Variants in LHFPL3 observed in about 807,000 individuals in gnomAD.
LHFPL3 encodes the protein LHFPL tetraspan subfamily member 3, also known as LHFPL tetraspan subfamily member 3 protein.
LHFPL3 carries 5 observed loss-of-function variants against 19.3 expected under a neutral mutation model. That is an observed-to-expected ratio of 0.26 (90% CI 0.14 to 0.54). The LOEUF (loss-of-function observed/expected upper bound fraction) is 0.54. Ranked by LOEUF, LHFPL3 falls within the 20% of genes least tolerant of loss-of-function variation. The pLI, the probability that LHFPL3 is intolerant of heterozygous loss-of-function variation, is 0.94. For missense variants in LHFPL3, 249 were observed against 307.4 expected (o/e 0.81, Z 1.42); for synonymous variants, 133 against 126.2 (o/e 1.05, Z -0.36).
At chr7:104,436,236 T>C (rs980444604) in intron 1 of LHFPL3, among the ~76,000 whole-genome samples, 4 of 152,210 alleles carry the variant, frequency 2.6e-5, no homozygotes, top group Admixed American at 2.6e-4. Context: ...TAGAATATTT[T>C]AAAGTTTTGT....
At chr7:104,587,887 T>C (rs370821126) in intron 1 of LHFPL3, among the ~76,000 whole-genome samples, 3 of 152,246 alleles carry the variant, frequency 2.0e-5, no homozygotes, top group Non-Finnish European at 4.4e-5. Flanking sequence ...TGAGCATTTT[T>C]TCACATGTCT....
At position 104,707,708 on chromosome 7, in the gene LHFPL3, A is replaced by C. The variant is rs138770900; in HGVS notation, c.446-28967A>C. On this transcript the variant is annotated intron_variant, in intron 1 of 2. Transcript: ENST00000424859. The stretch of plus-strand genomic sequence containing the variant: ...AGCTCCATTCTGGGTTATAGAGGCC[A>C]TGCTTTCATCATATCCCACTGATTG... Among the ~76,000 whole-genome samples, 78 of 152,330 alleles carry C rather than the reference A, an allele frequency of 5.1e-4. 1 individual carries two copies. Among genetic ancestry groups the C allele is most frequent in the African/African-American group, 1.8e-3 (75 of 41,572 alleles).
At chr7:104,665,256 A>G (rs1792309757) in intron 1 of LHFPL3, among the ~76,000 whole-genome samples, 1 of 152,210 alleles carries the variant, frequency 6.6e-6, no homozygotes, top group Non-Finnish European at 1.5e-5. Context: ...TTGTGTATCT[A>G]TAATTACTTC....
chr7:104,468,078 A>G (rs1302264577), intron 1 of LHFPL3, among the ~76,000 whole-genome samples: 1 of 152,228 alleles, frequency 6.6e-6, no homozygotes, highest in Non-Finnish European at 1.5e-5. Flanking sequence ...AAATCACTGA[A>G]ATTACTAGAA....
chr7:104,786,054 G>A (rs537011240), intron 2 of LHFPL3, among the ~76,000 whole-genome samples: 8 of 152,244 alleles, frequency 5.3e-5, no homozygotes, highest in Middle Eastern at 3.4e-3. Context: ...TGGAAAGACC[G>A]TCCACTATTC....
intron 1 of LHFPL3, among the ~76,000 whole-genome samples, chr7:104,422,385 A>T (rs1791751087): frequency 6.6e-6 from 1 of 152,018 alleles, no homozygotes; most frequent in Admixed American, 6.6e-5. Flanking sequence ...AACAACAAGA[A>T]CAAATATTTC....
intron 1 of LHFPL3, among the ~76,000 whole-genome samples, chr7:104,582,906 T>C (rs1790488813): frequency 1.3e-5 from 2 of 151,926 alleles, no homozygotes; most frequent in Non-Finnish European, 2.9e-5. Flanking sequence ...AATCACAGAG[T>C]ACCTGGTCTG....
intron 2 of LHFPL3, among the ~76,000 whole-genome samples, chr7:104,745,651 T>G (rs1175915908): frequency 1.3e-5 from 2 of 152,226 alleles, no homozygotes; most frequent in African/African-American, 4.8e-5. Context: ...GCTGGATGAA[T>G]ACTTTTCTCA....
chr7:104,672,865 T>C (rs545814682), intron 1 of LHFPL3, among the ~76,000 whole-genome samples: 7 of 152,122 alleles, frequency 4.6e-5, no homozygotes, highest in Non-Finnish European at 8.8e-5. Context: ...TGCCATGCTC[T>C]TGAAAGCAAA....
Position 104,398,767 on chromosome 7 carries a change from T to C in LHFPL3, c.445+69543T>C, listed in dbSNP as rs532202344. On this transcript the variant is annotated intron_variant, in intron 1 of 2. Coordinates refer to ENST00000424859, the MANE Select transcript of LHFPL3 (RefSeq NM_199000.3). The stretch of plus-strand genomic sequence containing the variant: ...CTACCTGGACAGCTGCCGTATCCCG[T>C]TTTGCACTCTCACTCTTCTGTTCTT... Among the ~76,000 whole-genome samples, 4 of 152,236 alleles carry C rather than the reference T, an allele frequency of 2.6e-5. 1 individual carries two copies. Among genetic ancestry groups the C allele is most frequent in the Admixed American group, 2.6e-4 (4 of 15,292 alleles).
At chr7:104,530,170 A>T (rs1034282862) in intron 1 of LHFPL3, among the ~76,000 whole-genome samples, 2 of 152,192 alleles carry the variant, frequency 1.3e-5, no homozygotes, top group African/African-American at 4.8e-5. Context: ...TATGATTGCA[A>T]CTCAGAGATT....
At chr7:104,497,412 G>A (rs1584360470) in intron 1 of LHFPL3, among the ~76,000 whole-genome samples, 1 of 151,154 alleles carries the variant, frequency 6.6e-6, no homozygotes, top group Non-Finnish European at 1.5e-5. Flanking sequence ...CACACACACA[G>A]GTACACATAT....
At chr7:104,480,450 T>A (rs555046254) in intron 1 of LHFPL3, among the ~76,000 whole-genome samples, 225 of 152,004 alleles carry the variant, frequency 1.5e-3, no homozygotes, top group Admixed American at 3.0e-3. Context: ...ATAGAGAAAA[T>A]TCCCTGTATT....
chr7:104,897,637 G>A (rs1049323296), intron 2 of LHFPL3, among the ~76,000 whole-genome samples: 1 of 152,152 alleles, frequency 6.6e-6, no homozygotes, highest in Non-Finnish European at 1.5e-5. Flanking sequence ...AACTTACAGA[G>A]TATTTAGAAG....
At chr7:104,815,855 G>A (rs1790551866) in intron 2 of LHFPL3, among the ~76,000 whole-genome samples, 2 of 152,088 alleles carry the variant, frequency 1.3e-5, no homozygotes, top group Non-Finnish European at 2.9e-5. Flanking sequence ...TGAGTACTAG[G>A]GCAAAGAAGC....
chr7:104,701,725 A>C (rs1289612095), intron 1 of LHFPL3, among the ~76,000 whole-genome samples: 1 of 152,104 alleles, frequency 6.6e-6, no homozygotes, highest in Non-Finnish European at 1.5e-5. Flanking sequence ...AGGTTCTATA[A>C]TTTTATAATG....
chr7:104,798,556 T>C (rs1205626443), intron 2 of LHFPL3: 1 of 152,234 alleles, frequency 6.6e-6, no homozygotes, highest in East Asian at 1.9e-4. Context: ...TTGTATAGTC[T>C]ACAAAAAAAT....
At chr7:104,577,221 G>A (rs1382861474) in intron 1 of LHFPL3, among the ~76,000 whole-genome samples, 1 of 152,078 alleles carries the variant, frequency 6.6e-6, no homozygotes, top group African/African-American at 2.4e-5. Flanking sequence ...TAAACACATG[G>A]GAGAGCTAGA....
intron 1 of LHFPL3, among the ~76,000 whole-genome samples, chr7:104,584,608 C>T (rs1192881991): frequency 6.6e-6 from 1 of 152,106 alleles, no homozygotes; most frequent in African/African-American, 2.4e-5. Context: ...CAAAAGTAGA[C>T]TTCAGTTGTT....
Sources: allele counts gnomAD v4.1 joint callset (sites outside exome capture counted in the v4.1 genomes callset), GRCh38; gene constraint gnomAD v4.1.1; transcripts MANE v1.5; gene names NCBI Gene and HGNC (gene_info 2026-07-23, HGNC 2026-07-21).